Variants in MLX observed in about 807,000 individuals in gnomAD.
The protein encoded by MLX is MAX dimerization protein MLX, also known as max-like protein X.
MLX carries 15 observed loss-of-function variants against 33.0 expected under a neutral mutation model. The ratio of observed to expected loss-of-function variants is 0.45; its 90% CI spans 0.30 to 0.70. MLX has a LOEUF of 0.70. MLX is among the 30% of genes least tolerant of loss of function. The pLI, the probability that MLX is intolerant of heterozygous loss-of-function variation, is 0.07. For missense variants in MLX, 285 were observed against 306.3 expected (o/e 0.93, Z 0.52); for synonymous variants, 115 against 115.6 (o/e 0.99, Z 0.03).
Position 42,572,264 on chromosome 17 carries a change from C to T in MLX, c.*661C>T. 1 of 412,146 alleles carries T rather than the reference C, an allele frequency of 2.4e-6. No individual in the cohort carries two copies. The highest frequency in any genetic ancestry group is 2.0e-5 in the African/African-American group (1 of 48,794). The allele number at this position is 412,146 out of a possible 1,614,324, so 25.5% of individuals were successfully genotyped here. The stretch of plus-strand genomic sequence containing the variant: ...GTGGTAAGGGAAGCCCTCCCGGTTC[C>T]CACAGGCTATGATGCTGCATGGCAG... On this transcript the variant is annotated 3_prime_UTR_variant, in exon 8 of 8. Transcript: ENST00000435881.
chr17:42,569,115 C>T, intron 4 of MLX, 89 bp from the exon 5 acceptor site: 1 of 1,369,816 alleles, frequency 7.3e-7, no homozygotes, highest in Non-Finnish European at 1.0e-6. Context: ...AGTTTGTGAG[C>T]ATAGAACTTG....
intron 2 of MLX, chr17:42,567,966 G>T: frequency 2.1e-6 from 1 of 479,638 alleles, no homozygotes; most frequent in East Asian, 3.6e-5. Context: ...CTATGGAGCA[G>T]TGTAGACACT....
At position 42,573,025 on chromosome 17, in the gene MLX, C is replaced by T. The variant is rs143015116; in HGVS notation, c.*1422C>T. Reference sequence around the variant, plus strand: ...CATCCGTCTCTATCCCAACTTCCTCCTGTGAGACAGGGAGACAAGTGAATG... The same window carrying T: ...CATCCGTCTCTATCCCAACTTCCTCTTGTGAGACAGGGAGACAAGTGAATG... On this transcript the variant is annotated 3_prime_UTR_variant, in exon 8 of 8. Transcript: ENST00000435881. 142 of 1,614,120 alleles carry T rather than the reference C, an allele frequency of 8.8e-5. No individual in the cohort carries two copies. The highest frequency in any genetic ancestry group is 1.2e-4 in the Non-Finnish European group (136 of 1,180,054).
At position 42,572,988 on chromosome 17, in the gene MLX, C is replaced by A; in HGVS notation, c.*1385C>A. ...GCCCCTCAGGGGTCTGGGAGTGTGA[C>A]GTTGTAATCTTCATCCGTCTCTATC... On this transcript the variant is annotated 3_prime_UTR_variant, in exon 8 of 8. Coordinates refer to ENST00000435881, the MANE Select transcript of MLX (RefSeq NM_198204.2). The A allele has an allele frequency of 4.3e-6, 7 of 1,614,216 alleles. No homozygotes were observed. In the South Asian group the frequency reaches 5.5e-5, roughly 13 times the overall value.
rs772915811 is a variant in MLX, at chr17:42,569,333, G to A, written c.376+30G>A. The A allele has an allele frequency of 9.4e-5, 150 of 1,602,542 alleles. 1 individual carries two copies. In the Admixed American group the frequency reaches 1.9e-3, roughly 20 times the overall value. On this transcript the variant is annotated intron_variant, in intron 5 of 7. Coordinates refer to ENST00000435881, the MANE Select transcript of MLX (RefSeq NM_198204.2). ...GGCTAGGGAAAGCACTGGAGGGGAT[G>A]GAGCCAAGCGGGGCTGTGAAGAGGC...
Position 42,573,197 on chromosome 17 carries a change from A to G in MLX, c.*1594A>G, listed in dbSNP as rs764811057. ...AAGAAATAAAACCACCCGTTTTCAG[A>G]TGGGCAGCACTGGGCACTGCCTGTC... On this transcript the variant is annotated 3_prime_UTR_variant, in exon 8 of 8. Coordinates refer to ENST00000435881, the MANE Select transcript of MLX (RefSeq NM_198204.2). 1.2e-6 allele frequency: 2 copies of G among 1,614,192 alleles called. No individual in the cohort carries two copies. Among genetic ancestry groups the G allele is most frequent in the South Asian group, 2.2e-5 (2 of 91,084 alleles).
rs368021402 is a variant in MLX, at chr17:42,567,667, C to T, written c.79+12C>T. Reference sequence around the variant, plus strand: ...CAGCCTGGACCCCGGTGAGTAGCTGCCCCATCTTAAGCTCTAGAGGGACAC... The same window carrying T: ...CAGCCTGGACCCCGGTGAGTAGCTGTCCCATCTTAAGCTCTAGAGGGACAC... On this transcript the variant is annotated intron_variant, in intron 2 of 7. Coordinates refer to ENST00000435881, the MANE Select transcript of MLX (RefSeq NM_198204.2). 2.0e-5 allele frequency: 33 copies of T among 1,613,982 alleles called. No individual in the cohort carries two copies. The highest frequency in any genetic ancestry group is 2.8e-5 in the Non-Finnish European group (33 of 1,179,986).
intron 5 of MLX, 25 bp from the exon 6 acceptor site, chr17:42,569,482 C>G: frequency 6.3e-7 from 1 of 1,592,912 alleles, no homozygotes; most frequent in Middle Eastern, 1.7e-4. Context: ...CTGTACCTGT[C>G]CTTTTTTTCT....
In MLX at chr17:42,572,360, G is replaced by A. The variant is rs954238807; in HGVS notation, c.*757G>A. 1.1e-5 allele frequency: 5 copies of A among 454,442 alleles called. No individual in the cohort carries two copies. The highest frequency in any genetic ancestry group is 3.1e-5 in the South Asian group (2 of 64,446). 28.2% of individuals were successfully genotyped at this position (454,442 alleles called of 1,614,324 possible). ...CTAAATACCAATGCAGTTTTGCTAC[G>A]GTTACAATTTTGAAATATTAACTGA... On this transcript the variant is annotated 3_prime_UTR_variant, in exon 8 of 8. Coordinates refer to ENST00000435881, the MANE Select transcript of MLX (RefSeq NM_198204.2).
intron 1 of MLX, 142 bp from the exon 2 acceptor site, chr17:42,567,477 C>T: frequency 6.9e-6 from 10 of 1,455,454 alleles, no homozygotes; most frequent in Non-Finnish European, 9.3e-6. Flanking sequence ...CCCGCGCACC[C>T]CGGGCTGTGT....
intron 1 of MLX, 164 bp from the exon 2 acceptor site, chr17:42,567,455 C>A: frequency 7.2e-7 from 1 of 1,389,224 alleles, no homozygotes; most frequent in Non-Finnish European, 9.7e-7. Flanking sequence ...TCTCGGGGGA[C>A]TCATTAAGCT....
In MLX at chr17:42,572,867, CAGGA is replaced by C; in HGVS notation, c.*1266_*1269del. On this transcript the variant is annotated 3_prime_UTR_variant, in exon 8 of 8. Coordinates refer to ENST00000435881, the MANE Select transcript of MLX (RefSeq NM_198204.2). ...CTGCTCTGCTTAAAGGTGAAAGTAG[CAGGA>C]ACAACAACAAAAGCCAACCAAAAAC... is the stretch of plus-strand genomic sequence containing the variant. 2 of 1,363,736 alleles carry C rather than the reference CAGGA, an allele frequency of 1.5e-6. No individual in the cohort carries two copies. Among genetic ancestry groups the C allele is most frequent in the South Asian group, 2.4e-5 (2 of 84,760 alleles). 84.5% of individuals were successfully genotyped at this position (1,363,736 alleles called of 1,614,324 possible). A position where few individuals can be genotyped will look rare whatever the true frequency, so the allele number is the denominator to read the frequency against.
intron 1 of MLX, 104 bp downstream of exon 1, chr17:42,567,270 C>A: frequency 7.4e-7 from 1 of 1,345,712 alleles, no homozygotes; most frequent in Non-Finnish European, 9.6e-7. Context: ...CCAAAGTCCC[C>A]CACGCTCTCC....
intron 2 of MLX, 114 bp downstream of exon 2, chr17:42,567,769 C>G (rs927220604): frequency 7.0e-7 from 1 of 1,426,432 alleles, no homozygotes; most frequent in Non-Finnish European, 9.8e-7. Context: ...GAGCAGAGTT[C>G]CTGGCTTGAG....
At position 42,567,183 on chromosome 17, in the gene MLX, CGCACGCCGGCGAGGGGAGGGCGG is replaced by C. The variant is rs2143242266; in HGVS notation, c.42+19_42+41del. ...TGGGTCAAGGCAAGCCCCGTGGGCG[CGCACGCCGGCGAGGGGAGGGCGG>C]GTCGGGCTCGTGCACGTAGGGGGGC... On this transcript the variant is annotated intron_variant, in intron 1 of 7. Coordinates refer to ENST00000435881, the MANE Select transcript of MLX (RefSeq NM_198204.2). 7.7e-7 allele frequency: 1 copy of C among 1,290,896 alleles called. No individual in the cohort carries two copies. The highest frequency in any genetic ancestry group is 9.8e-7 in the Non-Finnish European group (1 of 1,017,598). The allele number at this position is 1,290,896 out of a possible 1,614,324, so 80.0% of individuals were successfully genotyped here.
At chr17:42,567,258 C>A (rs1322373773) in intron 1 of MLX, 92 bp downstream of exon 1, 4 of 1,335,144 alleles carry the variant, frequency 3.0e-6, no homozygotes, top group Non-Finnish European at 3.9e-6. Flanking sequence ...TCCCTCCTGT[C>A]CCCAAAGTCC....
In MLX at chr17:42,573,119, C is replaced by A; in HGVS notation, c.*1516C>A. Reference sequence around the variant, plus strand: ...GAGCTCCACTTACAAAGAACTGCTTCTTGCTCTTGGGGTATCCTTCAAGTA... The same window carrying A: ...GAGCTCCACTTACAAAGAACTGCTTATTGCTCTTGGGGTATCCTTCAAGTA... On this transcript the variant is annotated 3_prime_UTR_variant, in exon 8 of 8. Coordinates refer to ENST00000435881, the MANE Select transcript of MLX (RefSeq NM_198204.2). The A allele has an allele frequency of 6.2e-7, 1 of 1,614,268 alleles. No individual in the cohort carries two copies. The highest frequency in any genetic ancestry group is 1.1e-5 in the South Asian group (1 of 91,092).
In MLX at chr17:42,572,732, A is replaced by G. The variant is rs2093041853; in HGVS notation, c.*1129A>G. ...TCCTTTAGCATTGTTCCAAGTCTAA[A>G]TGTTAACCTCAAGCTACTGCAATTT... On this transcript the variant is annotated 3_prime_UTR_variant, in exon 8 of 8. Coordinates refer to ENST00000435881, the MANE Select transcript of MLX (RefSeq NM_198204.2). The G allele has an allele frequency of 1.6e-6, 1 of 642,436 alleles. No homozygotes were observed. The highest frequency in any genetic ancestry group is 1.8e-5 in the African/African-American group (1 of 55,866). 39.8% of individuals were successfully genotyped at this position (642,436 alleles called of 1,614,324 possible). A position where few individuals can be genotyped will look rare whatever the true frequency, so the allele number is the denominator to read the frequency against.
Position 42,572,276 on chromosome 17 carries a change from A to C in MLX, c.*673A>C, listed in dbSNP as rs150094620. The C allele has an allele frequency of 2.3e-6, 1 of 429,030 alleles. No individual in the cohort carries two copies. Among genetic ancestry groups the C allele is most frequent in the African/African-American group, 2.0e-5 (1 of 49,452 alleles). 26.6% of individuals were successfully genotyped at this position (429,030 alleles called of 1,614,324 possible). A position where few individuals can be genotyped will look rare whatever the true frequency, so the allele number is the denominator to read the frequency against. On this transcript the variant is annotated 3_prime_UTR_variant, in exon 8 of 8. Transcript: ENST00000435881. Reference sequence around the variant, plus strand: ...GCCCTCCCGGTTCCCACAGGCTATGATGCTGCATGGCAGAGGCAGGTATAA... The same window carrying C: ...GCCCTCCCGGTTCCCACAGGCTATGCTGCTGCATGGCAGAGGCAGGTATAA...
Sources: allele counts gnomAD v4.1 joint callset, GRCh38; gene constraint gnomAD v4.1.1; transcripts MANE v1.5; gene names NCBI Gene and HGNC (gene_info 2026-07-23, HGNC 2026-07-21).